SRL: variants seen among roughly 807,000 people sequenced by gnomAD.
SRL encodes sarcalumenin.
A neutral mutation model predicts 39.5 loss-of-function variants in SRL; 23 were observed. The ratio of observed to expected loss-of-function variants is 0.58; its 90% CI spans 0.42 to 0.82. The LOEUF is 0.82. SRL is among the 40% of genes least tolerant of loss of function. The probability of loss-of-function intolerance (pLI) is 0.00; values close to 1 mark genes in which losing one functional copy is unlikely to be tolerated. For missense variants in SRL, 592 were observed against 607.8 expected (o/e 0.97, Z 0.27); for synonymous variants, 272 against 237.4 (o/e 1.15, Z -1.34).
chr16:4,221,699 T>C lies in SRL; in HGVS notation c.62-17065A>G, dbSNP rs550714829. Among the ~76,000 whole-genome samples the C allele has an allele frequency of 5.3e-5, 8 of 152,324 alleles. No individual in the cohort carries two copies. The East Asian group carries it at 1.4e-3, about 26-fold the overall frequency. The stretch of plus-strand genomic sequence containing the variant: ...TGACAAAGCACTATAAACTTAGTGG[T>C]GTAAAACAATGGAAATGTGTTCACT... On this transcript the variant is annotated intron_variant, in intron 1 of 5. Coordinates refer to ENST00000399609, the MANE Select transcript of SRL (RefSeq NM_001098814.2).
chr16:4,207,050 C>A (rs1447412251), intron 1 of SRL: 2 of 451,642 alleles, frequency 4.4e-6, no homozygotes, highest in Non-Finnish European at 4.4e-6. Flanking sequence ...CGGCTTCCTG[C>A]AGATCCCCGC....
intron 1 of SRL, chr16:4,239,715 C>G (rs960535871): frequency 6.6e-6 from 1 of 152,432 alleles, no homozygotes; most frequent in Non-Finnish European, 1.5e-5. Flanking sequence ...GACCCTGGCC[C>G]GGGTGTGCCT....
intron 3 of SRL, among the ~76,000 whole-genome samples, chr16:4,202,397 T>G (rs898208580): frequency 1.3e-5 from 2 of 152,086 alleles, no homozygotes; most frequent in Non-Finnish European, 2.9e-5. Context: ...ACAGAGACCA[T>G]CCTGGCTAAC....
rs775661971 is a variant in SRL, at chr16:4,192,503, T to C, written c.1072A>G (p.Met358Val). Residue 358 changes from methionine to valine, a missense_variant, in exon 6 of 6, where the codon ATG becomes GTG. Physicochemically the swap from Met to Val is conservative, Grantham distance 21. Transcript: ENST00000399609. The surrounding 1 kb of genome is among the most constrained non-coding windows in gnomAD (Gnocchi z 4.0). ...DRYLQTYKDK[M>V]TFFSDGELVF... Reference sequence around the variant, plus strand: ...AGTTCTCCATCACTGAAGAAGGTCATTTTGTCCTTGTAAGTCTGCAGGTAG... The same window carrying C: ...AGTTCTCCATCACTGAAGAAGGTCACTTTGTCCTTGTAAGTCTGCAGGTAG... The C allele has an allele frequency of 6.2e-6, 10 of 1,614,154 alleles. No individual in the cohort carries two copies. The highest frequency in any genetic ancestry group is 7.6e-6 in the Non-Finnish European group (9 of 1,180,022).
rs141264684 is a variant in SRL, at chr16:4,236,739, G to A, written c.61+5268C>T. ...GCTCACTGCAACCTCTGCCTCCCGG[G>A]TACAAGCAATTCTCCTGCCTCAGCC... is the stretch of plus-strand genomic sequence containing the variant. On this transcript the variant is annotated intron_variant, in intron 1 of 5. Coordinates refer to ENST00000399609, the MANE Select transcript of SRL (RefSeq NM_001098814.2). Among the ~76,000 whole-genome samples the A allele has an allele frequency of 9.2e-5, 14 of 152,144 alleles. 1 individual carries two copies. The East Asian group carries it at 2.7e-3, about 29-fold the overall frequency.
intron 1 of SRL, among the ~76,000 whole-genome samples, chr16:4,238,623 C>CTTTTTTT (rs113546099): frequency 2.1e-5 from 3 of 143,790 alleles, no homozygotes; most frequent in African/African-American, 7.6e-5. Flanking sequence ...CCCGGTGCCA[C>CTTTTTTT]TTTTTTTTTT....
intron 1 of SRL, among the ~76,000 whole-genome samples, chr16:4,210,669 G>C (rs1339122288): frequency 6.6e-6 from 1 of 151,918 alleles, no homozygotes; most frequent in East Asian, 1.9e-4. Flanking sequence ...TTTTAATAGA[G>C]ACAGGGTTTC....
intron 1 of SRL, among the ~76,000 whole-genome samples, chr16:4,225,305 G>A (rs371459720): frequency 3.9e-5 from 6 of 152,062 alleles, no homozygotes; most frequent in African/African-American, 1.2e-4. Context: ...ATAAAGAGCC[G>A]GGTGTGGTGG....
In SRL at chr16:4,224,243, A is replaced by G. The variant is rs182394683; in HGVS notation, c.61+17764T>C. 1.8e-4 allele frequency among the ~76,000 whole-genome samples: 28 copies of G among 152,258 alleles called. No homozygotes were observed. The East Asian group carries it at 5.2e-3, about 28-fold the overall frequency. ...AGCAAGTATTTAAACATTTCTGGGC[A>G]TGTTTCATTAGTAATAAAACAGAAG... On this transcript the variant is annotated intron_variant, in intron 1 of 5. Transcript: ENST00000399609.
At chr16:4,199,643 T>TGGG (rs2052195819) in intron 3 of SRL, among the ~76,000 whole-genome samples, 1 of 151,484 alleles carries the variant, frequency 6.6e-6, no homozygotes, top group Non-Finnish European at 1.5e-5. Context: ...AGTGCTTCTA[T>TGGG]TGCAGGCATG....
chr16:4,190,793 C>G lies in SRL; in HGVS notation c.*1360G>C. On this transcript the variant is annotated 3_prime_UTR_variant, in exon 6 of 6. Transcript: ENST00000399609. ...CGAGTGGCTGGTGCTGGTTCTGACT[C>G]CTAGGAAATTGCTCCAAGTAAGTGT... The G allele has an allele frequency of 3.8e-6, 1 of 262,222 alleles. No individual in the cohort carries two copies. Among genetic ancestry groups the G allele is most frequent in the East Asian group, 6.8e-5 (1 of 14,684 alleles). The allele number at this position is 262,222 out of a possible 1,614,324, so 16.2% of individuals were successfully genotyped here.
Position 4,192,231 on chromosome 16 carries a change from G to C in SRL, c.1344C>G (p.Leu448=), listed in dbSNP as rs150521087. The change falls in exon 6 of 6, where the codon CTC becomes CTG. Residue 448 remains leucine (L), a synonymous_variant. Coordinates refer to ENST00000399609, the MANE Select transcript of SRL (RefSeq NM_001098814.2). The surrounding 1 kb of genome is among the most constrained non-coding windows in gnomAD (Gnocchi z 4.0). ...AGTTGAGAGCACCTGGATTCTTCCC[G>C]AGCCCGAGGCTACCCAGGAGGCCCG... ...ELPGLLGSLG[L]GKNPGALNCD... The C allele has an allele frequency of 4.3e-6, 7 of 1,609,626 alleles. No homozygotes were observed. Among genetic ancestry groups the C allele is most frequent in the South Asian group, 1.1e-5 (1 of 90,360 alleles).
At chr16:4,225,947 G>A (rs891957770) in intron 1 of SRL, among the ~76,000 whole-genome samples, 2 of 152,046 alleles carry the variant, frequency 1.3e-5, no homozygotes, top group Non-Finnish European at 2.9e-5. Flanking sequence ...CTCGTCCACT[G>A]TGTCCAGCCA....
intron 5 of SRL, among the ~76,000 whole-genome samples, chr16:4,194,435 G>A (rs771203690): frequency 2.4e-4 from 37 of 152,116 alleles, no homozygotes; most frequent in Admixed American, 5.2e-4. Context: ...GGGCAAGTAG[G>A]GCTTTGAAGA....
At chr16:4,226,277 G>C (rs1029909253) in intron 1 of SRL, among the ~76,000 whole-genome samples, 3 of 152,242 alleles carry the variant, frequency 2.0e-5, no homozygotes, top group Non-Finnish European at 4.4e-5. Flanking sequence ...CCATTGGATG[G>C]ATGGGTGGAT....
intron 3 of SRL, among the ~76,000 whole-genome samples, chr16:4,200,824 C>T (rs1305046217): frequency 6.6e-6 from 1 of 152,286 alleles, no homozygotes; most frequent in East Asian, 1.9e-4. Flanking sequence ...CTCAGGCTCC[C>T]CTCTGTAGAG....
intron 2 of SRL, among the ~76,000 whole-genome samples, chr16:4,203,506 G>C (rs1344599687): frequency 1.3e-5 from 2 of 152,074 alleles, no homozygotes; most frequent in Non-Finnish European, 2.9e-5. Context: ...TGAACTGTTT[G>C]GTTATTTTAT....
intron 5 of SRL, among the ~76,000 whole-genome samples, chr16:4,193,687 C>G (rs2052097323): frequency 6.6e-6 from 1 of 152,140 alleles, no homozygotes; most frequent in African/African-American, 2.4e-5. Context: ...ACCTAAAATT[C>G]CAGTCATACA....
chr16:4,234,380 G>T (rs1042614287), intron 1 of SRL, among the ~76,000 whole-genome samples: 2 of 152,172 alleles, frequency 1.3e-5, no homozygotes, highest in African/African-American at 4.8e-5. Flanking sequence ...CTGAGATGGG[G>T]TGGCTCAGCA....
Sources: gnomAD v4.1 joint callset for allele counts (sites outside exome capture counted in the v4.1 genomes callset) on GRCh38, gnomAD v4.1.1 for gene constraint, Gnocchi (gnomAD v3.1) non-coding constraint, MANE v1.5 for transcripts, NCBI Gene and HGNC (gene_info 2026-07-23, HGNC 2026-07-21) for gene names.